Variants in TNPO1 observed in about 807,000 individuals in gnomAD.
TNPO1 encodes transportin 1, also known as transportin-1.
A neutral mutation model predicts 119.5 loss-of-function variants in TNPO1; 8 were observed. The observed-to-expected ratio is 0.07, with a 90% CI of 0.04 to 0.12. The LOEUF is 0.12. Among genes scored for constraint, TNPO1 ranks in the 10% least tolerant of loss-of-function variants. The pLI, the probability that TNPO1 is intolerant of heterozygous loss-of-function variation, is 1.00. For missense variants in TNPO1, 576 were observed against 1,089.8 expected, an observed-to-expected ratio of 0.53 and a Z score of 6.64; for synonymous variants, 362 against 363.0, an observed-to-expected ratio of 1.00 and a Z score of 0.03.
At chr5:72,856,526 C>T (rs1283559294) in intron 4 of TNPO1, among the ~76,000 whole-genome samples, 1 of 148,298 alleles carries the variant, frequency 6.7e-6, no homozygotes, top group Non-Finnish European at 1.5e-5. Flanking sequence ...AGCCATGGCG[C>T]CTGGCTTGGA....
At chr5:72,875,359 T>G (rs1258679679) in intron 7 of TNPO1, among the ~76,000 whole-genome samples, 1 of 152,208 alleles carries the variant, frequency 6.6e-6, no homozygotes, top group Non-Finnish European at 1.5e-5. Context: ...ATGACATGGT[T>G]TCTTAAAAAC....
At chr5:72,855,748 T>A in intron 3 of TNPO1, 26 bp from the exon 4 acceptor site, 1 of 1,562,496 alleles carries the variant, frequency 6.4e-7, no homozygotes, top group Non-Finnish European at 8.7e-7. Flanking sequence ...ACTTCAAAAC[T>A]CATTACTATT....
intron 1 of TNPO1, among the ~76,000 whole-genome samples, chr5:72,844,274 A>T (rs1191282916): frequency 2.0e-5 from 3 of 152,236 alleles, no homozygotes; most frequent in Non-Finnish European, 1.5e-5. Flanking sequence ...ATAATGACAC[A>T]GAAGAGAAAT....
rs3797350 is a variant in TNPO1, at chr5:72,832,888, A to G, written c.16-15497A>G. On this transcript the variant is annotated intron_variant, in intron 1 of 24. Coordinates refer to ENST00000337273, the MANE Select transcript of TNPO1 (RefSeq NM_002270.4). ...TGGGTTTTCTCTACTCTTCCCACTC[A>G]GTTTACTCTCCACCCATCTGGGTAT... Among the ~76,000 whole-genome samples, 407 of 152,284 alleles carry G rather than the reference A, an allele frequency of 2.7e-3. 5 individuals are homozygous for G. The East Asian group carries it at 0.041, about 15-fold the overall frequency.
intron 3 of TNPO1, among the ~76,000 whole-genome samples, chr5:72,853,121 C>T (rs1010434198): frequency 1.3e-5 from 2 of 152,070 alleles, no homozygotes; most frequent in African/African-American, 4.8e-5. Flanking sequence ...AGGATACTTC[C>T]TTCAGGCCAG....
chr5:72,903,252 A>T (rs542423160), intron 22 of TNPO1, among the ~76,000 whole-genome samples: 58 of 152,164 alleles, frequency 3.8e-4, no homozygotes, highest in Non-Finnish European at 7.9e-4. Flanking sequence ...CTGAAAATGG[A>T]CCTTGAAATT....
In TNPO1 at chr5:72,823,753, T is replaced by C. The variant is rs146657194; in HGVS notation, c.15+7001T>C. 4.0e-3 allele frequency among the ~76,000 whole-genome samples: 611 copies of C among 152,314 alleles called. 5 individuals are homozygous for C. The highest frequency in any genetic ancestry group is 0.014 in the African/African-American group (593 of 41,570). ...CTAGTTAAAACAAACTCTGGGGTTT[T>C]TTTTGCACTTGCCCCTATGTAACTG... On this transcript the variant is annotated intron_variant, in intron 1 of 24. Transcript: ENST00000337273.
intron 1 of TNPO1, among the ~76,000 whole-genome samples, chr5:72,826,658 A>G (rs913676628): frequency 6.6e-6 from 1 of 152,234 alleles, no homozygotes; most frequent in African/African-American, 2.4e-5. Flanking sequence ...ATAGACCTAT[A>G]TATCACAATG....
At chr5:72,880,606 A>G (rs990900208) in intron 9 of TNPO1, among the ~76,000 whole-genome samples, 9 of 152,158 alleles carry the variant, frequency 5.9e-5, no homozygotes, top group African/African-American at 2.2e-4. Flanking sequence ...CCTGAGGTCT[A>G]GAGTTCAAGA....
At chr5:72,835,777 G>A (rs762973497) in intron 1 of TNPO1, among the ~76,000 whole-genome samples, 3 of 152,230 alleles carry the variant, frequency 2.0e-5, no homozygotes, top group South Asian at 4.2e-4. Flanking sequence ...GTCTTAACTC[G>A]TTCCAGCATT....
chr5:72,877,462 GC>G, intron 9 of TNPO1, 116 bp downstream of exon 9: 1 of 548,134 alleles, frequency 1.8e-6, no homozygotes, highest in Non-Finnish European at 3.2e-6. Context: ...TTCTAAAGAA[GC>G]CAGACTTAAT....
intron 20 of TNPO1, among the ~76,000 whole-genome samples, chr5:72,899,254 TA>T (rs1749651212): frequency 6.6e-6 from 1 of 152,212 alleles, no homozygotes; most frequent in Admixed American, 6.5e-5. Flanking sequence ...TTTCCTTTAT[TA>T]GAATTTTATT....
chr5:72,822,129 T>G (rs1743986763), intron 1 of TNPO1, among the ~76,000 whole-genome samples: 1 of 152,104 alleles, frequency 6.6e-6, no homozygotes, highest in Non-Finnish European at 1.5e-5. Context: ...ATGAAACGAA[T>G]CTAGAAGATT....
At chr5:72,823,372 C>G (rs1300557588) in intron 1 of TNPO1, among the ~76,000 whole-genome samples, 2 of 152,174 alleles carry the variant, frequency 1.3e-5, no homozygotes, top group Non-Finnish European at 2.9e-5. Context: ...ACTTCCTAGA[C>G]CTCTCTTCCA....
chr5:72,871,746 CAAAA>C (rs546743780), intron 6 of TNPO1: 81 of 152,248 alleles, frequency 5.3e-4, no homozygotes, highest in African/African-American at 1.8e-3. Flanking sequence ...TTTAGAGTGA[CAAAA>C]GAAAGAAACT....
intron 24 of TNPO1, among the ~76,000 whole-genome samples, chr5:72,906,291 T>C (rs948194325): frequency 1.0e-4 from 12 of 117,736 alleles, no homozygotes; most frequent in African/African-American, 2.0e-4. Context: ...TTTTTTTTTT[T>C]TTTTTTTTTT....
intron 6 of TNPO1, among the ~76,000 whole-genome samples, chr5:72,871,212 A>T (rs1747374200): frequency 6.6e-6 from 1 of 152,018 alleles, no homozygotes; most frequent in African/African-American, 2.4e-5. Context: ...CCTGACCTCA[A>T]GTGATCCGCC....
Position 72,890,090 on chromosome 5 carries a change from A to G in TNPO1, c.1701+133A>G, listed in dbSNP as rs185123179. On this transcript the variant is annotated intron_variant, in intron 14 of 24. Coordinates refer to ENST00000337273, the MANE Select transcript of TNPO1 (RefSeq NM_002270.4). ...AGCGTTAGCTACTTTAAGAGTATAGATCTTACAAAGGCAGCAAGTATATCC... is the reference window on the plus strand; with the variant it reads ...AGCGTTAGCTACTTTAAGAGTATAGGTCTTACAAAGGCAGCAAGTATATCC... 1.3e-3 allele frequency: 1,313 copies of G among 984,048 alleles called. 3 individuals carry two copies. The highest frequency in any genetic ancestry group is 2.4e-3 in the South Asian group (141 of 58,158). 61.0% of individuals were successfully genotyped at this position (984,048 alleles called of 1,614,324 possible). A position where few individuals can be genotyped will look rare whatever the true frequency, so the allele number is the denominator to read the frequency against.
intron 18 of TNPO1, among the ~76,000 whole-genome samples, chr5:72,894,312 A>G (rs1749266913): frequency 6.6e-6 from 1 of 152,072 alleles, no homozygotes. Flanking sequence ...TCTTAAACCT[A>G]TGGGTTATAA....
Sources: allele counts gnomAD v4.1 joint callset (sites outside exome capture counted in the v4.1 genomes callset), GRCh38; gene constraint gnomAD v4.1.1; transcripts MANE v1.5; gene names NCBI Gene and HGNC (gene_info 2026-07-23, HGNC 2026-07-21).